Variants in NRBF2 observed in about 807,000 individuals in gnomAD.
NRBF2 encodes the protein nuclear receptor-binding factor 2.
Under a neutral mutation model 28.5 loss-of-function variants are expected in NRBF2, and 12 were observed. The ratio of observed to expected loss-of-function variants is 0.42; its 90% CI spans 0.27 to 0.68. The LOEUF is 0.68. Ranked by LOEUF, NRBF2 falls within the 30% of genes least tolerant of loss-of-function variation. The pLI, the probability that NRBF2 is intolerant of heterozygous loss-of-function variation, is 0.24. For missense variants in NRBF2, 274 were observed against 333.5 expected (o/e 0.82, Z 1.39); for synonymous variants, 102 against 116.5 (o/e 0.88, Z 0.80).
chr10:63,149,636 T>C (rs887051473), intron 2 of NRBF2, among the ~76,000 whole-genome samples: 3 of 152,210 alleles, frequency 2.0e-5, no homozygotes, highest in Non-Finnish European at 4.4e-5. Flanking sequence ...AATGCCCCAC[T>C]TATAAGATTT....
Position 63,139,192 on chromosome 10 carries a change from C to T in NRBF2, c.30+5692C>T, listed in dbSNP as rs371239021. Among the ~76,000 whole-genome samples the T allele has an allele frequency of 3.9e-5, 6 of 152,008 alleles. No homozygotes were observed. In the East Asian group the frequency reaches 7.8e-4, roughly 20 times the overall value. On this transcript the variant is annotated intron_variant, in intron 1 of 3. Coordinates refer to ENST00000277746, the MANE Select transcript of NRBF2 (RefSeq NM_030759.5). ...GCCTGGCTAATTTTTGTATTTTTAGCGTAGATGGGGTTTCTCCACGTTGGT... is the reference window on the plus strand; with the variant it reads ...GCCTGGCTAATTTTTGTATTTTTAGTGTAGATGGGGTTTCTCCACGTTGGT...
At chr10:63,151,847 C>A (rs1484628667) in intron 2 of NRBF2, among the ~76,000 whole-genome samples, 1 of 152,046 alleles carries the variant, frequency 6.6e-6, no homozygotes. Context: ...TGGATAGGTT[C>A]TTGTTTGATT....
intron 2 of NRBF2, among the ~76,000 whole-genome samples, chr10:63,147,226 T>G (rs569598382): frequency 6.6e-6 from 1 of 152,244 alleles, no homozygotes; most frequent in African/African-American, 2.4e-5. Flanking sequence ...ATTTTACTTG[T>G]GAAATACAGA....
At chr10:63,149,889 A>ATG (rs1328833601) in intron 2 of NRBF2, among the ~76,000 whole-genome samples, 3 of 152,172 alleles carry the variant, frequency 2.0e-5, no homozygotes, top group Non-Finnish European at 4.4e-5. Context: ...GTCTAAGAAA[A>ATG]TGTGTCTACA....
intron 2 of NRBF2, among the ~76,000 whole-genome samples, chr10:63,148,356 G>A (rs1278781748): frequency 6.6e-6 from 1 of 152,182 alleles, no homozygotes; most frequent in Non-Finnish European, 1.5e-5. Context: ...TTAGAATGGA[G>A]TTGAAAGTTG....
intron 1 of NRBF2, among the ~76,000 whole-genome samples, chr10:63,135,036 A>G (rs1256845991): frequency 6.6e-6 from 1 of 152,206 alleles, no homozygotes; most frequent in African/African-American, 2.4e-5. Context: ...AAAAATACAA[A>G]AATAGCCTGG....
chr10:63,144,643 C>T (rs1011955145), intron 1 of NRBF2, among the ~76,000 whole-genome samples: 1 of 152,034 alleles, frequency 6.6e-6, no homozygotes, highest in Non-Finnish European at 1.5e-5. Context: ...GTCTCGATCT[C>T]CTGACCTTGT....
intron 1 of NRBF2, among the ~76,000 whole-genome samples, chr10:63,145,938 G>A (rs888561925): frequency 2.6e-5 from 4 of 152,170 alleles, no homozygotes; most frequent in Non-Finnish European, 5.9e-5. Context: ...TCCAAAGAGT[G>A]GAAGAATGTG....
chr10:63,148,606 A>G (rs997610643), intron 2 of NRBF2, among the ~76,000 whole-genome samples: 1 of 152,216 alleles, frequency 6.6e-6, no homozygotes, highest in Non-Finnish European at 1.5e-5. Context: ...CAAAGATCAG[A>G]GGAGATTCTG....
intron 1 of NRBF2, among the ~76,000 whole-genome samples, chr10:63,137,340 G>A (rs913940179): frequency 9.9e-5 from 15 of 152,138 alleles, no homozygotes; most frequent in Admixed American, 3.3e-4. Context: ...ATTTCTTTCC[G>A]TACACATTTT....
chr10:63,133,794 A>G (rs763511883), intron 1 of NRBF2, among the ~76,000 whole-genome samples: 1 of 152,310 alleles, frequency 6.6e-6, no homozygotes, highest in East Asian at 1.9e-4. Flanking sequence ...GGCTGGGGGA[A>G]GTCCTCTTAG....
At chr10:63,144,668 G>A (rs902004191) in intron 1 of NRBF2, among the ~76,000 whole-genome samples, 1 of 151,946 alleles carries the variant, frequency 6.6e-6, no homozygotes, top group Admixed American at 6.6e-5. Flanking sequence ...TGCCTGCCTC[G>A]GCCTCCAAAA....
intron 2 of NRBF2, among the ~76,000 whole-genome samples, chr10:63,148,829 C>G (rs1257000470): frequency 6.6e-6 from 1 of 152,196 alleles, no homozygotes; most frequent in Non-Finnish European, 1.5e-5. Context: ...AAGTGAATTT[C>G]TCTTCTTTCA....
At chr10:63,134,257 C>T (rs1431695391) in intron 1 of NRBF2, among the ~76,000 whole-genome samples, 4 of 152,136 alleles carry the variant, frequency 2.6e-5, no homozygotes, top group Admixed American at 2.6e-4. Context: ...CACAACAGAA[C>T]CCCACTAACA....
chr10:63,143,844 C>G (rs902514244), intron 1 of NRBF2, among the ~76,000 whole-genome samples: 1 of 151,562 alleles, frequency 6.6e-6, no homozygotes, highest in East Asian at 1.9e-4. Flanking sequence ...CCTCCATTAC[C>G]CAGGCTCAAG....
intron 1 of NRBF2, among the ~76,000 whole-genome samples, chr10:63,138,699 G>C (rs1841414974): frequency 7.0e-6 from 1 of 143,870 alleles, no homozygotes; most frequent in African/African-American, 2.6e-5. Context: ...AGCCAAGATC[G>C]CACCACTGCA....
chr10:63,148,656 T>A (rs1026979917), intron 2 of NRBF2, among the ~76,000 whole-genome samples: 1 of 152,176 alleles, frequency 6.6e-6, no homozygotes, highest in Admixed American at 6.5e-5. Flanking sequence ...AGCTAAGGAC[T>A]TTATAGCCTC....
chr10:63,148,094 G>A (rs564744661), intron 2 of NRBF2, among the ~76,000 whole-genome samples: 13 of 152,270 alleles, frequency 8.5e-5, no homozygotes, highest in African/African-American at 2.9e-4. Flanking sequence ...TATAACATAT[G>A]TTAAGTGGAG....
chr10:63,143,550 C>T (rs893700029), intron 1 of NRBF2, among the ~76,000 whole-genome samples: 1 of 151,736 alleles, frequency 6.6e-6, no homozygotes, highest in Admixed American at 6.6e-5. Context: ...CTCTGCCTCC[C>T]GGGTTGAAGC....
Sources: allele counts gnomAD v4.1 joint callset (sites outside exome capture counted in the v4.1 genomes callset), GRCh38; gene constraint gnomAD v4.1.1; transcripts MANE v1.5; gene names NCBI Gene and HGNC (gene_info 2026-07-23, HGNC 2026-07-21).